PRKG1: variants seen among roughly 807,000 people sequenced by gnomAD.
PRKG1 encodes the protein protein kinase cGMP-dependent 1, also known as cGMP-dependent protein kinase 1.
Under a neutral mutation model 88.1 loss-of-function variants are expected in PRKG1, and 35 were observed. The ratio of observed to expected loss-of-function variants is 0.40; its 90% confidence interval spans 0.30 to 0.53. The LOEUF is 0.53. PRKG1 is among the 20% of genes least tolerant of loss of function. The probability of loss-of-function intolerance (pLI) is 0.59; values close to 1 mark genes in which losing one functional copy is unlikely to be tolerated. For synonymous variants in PRKG1, 303 were observed against 292.5 expected, an observed-to-expected ratio of 1.04 and a Z score of -0.37; for missense variants, 540 against 839.8, an observed-to-expected ratio of 0.64 and a Z score of 4.41.
At chr10:51,435,189 C>A (rs763667277) in intron 2 of PRKG1, among the ~76,000 whole-genome samples, 1 of 152,010 alleles carries the variant, frequency 6.6e-6, no homozygotes, top group Admixed American at 6.6e-5. Context: ...CAGTGGTTGG[C>A]AGCTCTGGCA....
At position 51,664,359 on chromosome 10, in the gene PRKG1, A is replaced by G. The variant is rs143433507; in HGVS notation, c.593-140226A>G. Among the ~76,000 whole-genome samples, 1,233 of 152,292 alleles carry G rather than the reference A, an allele frequency of 8.1e-3. 3 individuals are homozygous for G. Among genetic ancestry groups the G allele is most frequent in the Non-Finnish European group, 0.012 (796 of 68,018 alleles). On this transcript the variant is annotated intron_variant, in intron 3 of 17. Coordinates refer to ENST00000373980, the MANE Select transcript of PRKG1 (RefSeq NM_006258.4). ...TTCATAGCCAAATTTCCAAAACAAAAATACATTTCTTCAGAAAAAGTAATA... is the reference window on the plus strand; with the variant it reads ...TTCATAGCCAAATTTCCAAAACAAAGATACATTTCTTCAGAAAAAGTAATA...
intron 2 of PRKG1, among the ~76,000 whole-genome samples, chr10:51,191,869 C>G (rs910582990): frequency 4.6e-5 from 7 of 151,674 alleles, no homozygotes; most frequent in Non-Finnish European, 1.0e-4. Flanking sequence ...GTTTTTCCAG[C>G]CTTCCTACTA....
chr10:51,182,897 A>G (rs534174919), intron 2 of PRKG1, among the ~76,000 whole-genome samples: 2 of 152,164 alleles, frequency 1.3e-5, no homozygotes, highest in South Asian at 2.1e-4. Context: ...GCTCCTGGGA[A>G]TGGGCAGTCC....
chr10:51,120,756 C>T (rs1206391354), intron 1 of PRKG1, among the ~76,000 whole-genome samples: 1 of 152,020 alleles, frequency 6.6e-6, no homozygotes, highest in Non-Finnish European at 1.5e-5. Flanking sequence ...AGTCATTTTG[C>T]CAATTTAATT....
intron 2 of PRKG1, among the ~76,000 whole-genome samples, chr10:51,376,920 G>A (rs1178698016): frequency 2.6e-5 from 4 of 151,978 alleles, no homozygotes; most frequent in East Asian, 1.9e-4. Context: ...CAGGTGATCC[G>A]TCTGCCTGGG....
chr10:51,698,570 C>A (rs1268392507), intron 3 of PRKG1: 1 of 1,613,918 alleles, frequency 6.2e-7, no homozygotes, highest in South Asian at 1.1e-5. Flanking sequence ...TAACAGTCCT[C>A]GAGGAGGCAG....
At chr10:51,468,235 G>A (rs1839958751) in intron 3 of PRKG1, among the ~76,000 whole-genome samples, 1 of 151,726 alleles carries the variant, frequency 6.6e-6, no homozygotes. Context: ...TGTTTACTCA[G>A]TGGTTTAGAA....
intron 2 of PRKG1, among the ~76,000 whole-genome samples, chr10:51,178,048 A>T (rs918296689): frequency 3.9e-5 from 6 of 152,208 alleles, no homozygotes; most frequent in African/African-American, 1.4e-4. Flanking sequence ...TATCATTTAG[A>T]TTCACATAAA....
chr10:52,244,754 A>ACT (rs1177032015), intron 9 of PRKG1, among the ~76,000 whole-genome samples: 2 of 58,826 alleles, frequency 3.4e-5, no homozygotes, highest in Admixed American at 2.0e-4. Flanking sequence ...TTAAATATAT[A>ACT]TTAAGATATA....
intron 9 of PRKG1, among the ~76,000 whole-genome samples, chr10:52,179,505 G>A (rs867900373): frequency 1.4e-4 from 21 of 151,908 alleles, no homozygotes; most frequent in African/African-American, 4.6e-4. Context: ...CTTTTCTCTT[G>A]CTGTTTTTAG....
chr10:51,393,085 G>T (rs373786949), intron 2 of PRKG1, among the ~76,000 whole-genome samples: 69 of 82,378 alleles, frequency 8.4e-4, no homozygotes, highest in African/African-American at 2.0e-3. Context: ...GGGCGGAGGG[G>T]CTCCTCACTT....
At chr10:52,114,077 A>T (rs1331108740) in intron 7 of PRKG1, among the ~76,000 whole-genome samples, 1 of 152,206 alleles carries the variant, frequency 6.6e-6, no homozygotes, top group South Asian at 2.1e-4. Context: ...TGTTTTTTGC[A>T]TAATAATGGA....
chr10:51,531,799 T>C (rs2038917), intron 3 of PRKG1, among the ~76,000 whole-genome samples: 133,436 of 151,654 alleles, frequency 0.88, 59,413 homozygotes, highest in East Asian at 1. Context: ...CTCCCGACAC[T>C]GTGCCCGGCT....
intron 4 of PRKG1, among the ~76,000 whole-genome samples, chr10:51,867,908 T>C (rs956247767): frequency 1.3e-5 from 2 of 152,204 alleles, no homozygotes; most frequent in African/African-American, 4.8e-5. Context: ...ACATTTTATT[T>C]AAAAAAGAAA....
At chr10:51,633,793 G>A (rs1337153417) in intron 3 of PRKG1, among the ~76,000 whole-genome samples, 1 of 152,096 alleles carries the variant, frequency 6.6e-6, no homozygotes, top group Non-Finnish European at 1.5e-5. Context: ...GCTTATAAAT[G>A]TTGGCTCAAT....
intron 3 of PRKG1, among the ~76,000 whole-genome samples, chr10:51,709,323 A>G (rs1841685668): frequency 6.6e-6 from 1 of 152,114 alleles, no homozygotes; most frequent in Admixed American, 6.5e-5. Flanking sequence ...AATATTGACC[A>G]TTTTTCTTGA....
intron 3 of PRKG1, among the ~76,000 whole-genome samples, chr10:51,727,340 G>C (rs1842160484): frequency 6.7e-6 from 1 of 149,556 alleles, no homozygotes; most frequent in African/African-American, 2.5e-5. Flanking sequence ...TTGGAATTTT[G>C]ATGTCTTGGG....
Position 51,628,129 on chromosome 10 carries a change from T to C in PRKG1, c.592+160293T>C, listed in dbSNP as rs55770398. ...TTCTTTCCTTCTTTATTTCTCTTTC[T>C]TTCTTTCTTTCTTTCTTTCTTTCTT... is the stretch of plus-strand genomic sequence containing the variant. On this transcript the variant is annotated intron_variant, in intron 3 of 17. Coordinates refer to ENST00000373980, the MANE Select transcript of PRKG1 (RefSeq NM_006258.4). Among the ~76,000 whole-genome samples the C allele has an allele frequency of 4.3e-4, 3 of 6,956 alleles. No individual in the cohort carries two copies. The East Asian group carries it at 0.019, about 45-fold the overall frequency. The allele number at this position is 6,956 out of a possible 152,430, so 4.6% of individuals were successfully genotyped here.
At chr10:51,370,497 T>A (rs9943432) in intron 2 of PRKG1, among the ~76,000 whole-genome samples, 6,372 of 116,268 alleles carry the variant, frequency 0.055, 244 homozygotes, top group African/African-American at 0.13. Flanking sequence ...AGAGAGAGAG[T>A]GTGTGTGTGT....
Sources: gnomAD v4.1 joint callset for allele counts (sites outside exome capture counted in the v4.1 genomes callset) on GRCh38, gnomAD v4.1.1 for gene constraint, MANE v1.5 for transcripts, NCBI Gene and HGNC (gene_info 2026-07-23, HGNC 2026-07-21) for gene names.